TFAP2D: variants seen among roughly 807,000 people sequenced by gnomAD.
TFAP2D encodes transcription factor AP-2 delta, also known as transcription factor AP-2-delta.
In TFAP2D, 9 loss-of-function variants were observed where a neutral mutation model predicts 43.6. The observed-to-expected ratio is 0.21, with a 90% CI of 0.12 to 0.36. The LOEUF is 0.36. Among genes scored for constraint, TFAP2D ranks in the 10% least tolerant of loss-of-function variants. The pLI is 1.00. For missense variants in TFAP2D, 513 were observed against 561.4 expected, an observed-to-expected ratio of 0.91 and a Z score of 0.87; for synonymous variants, 256 against 224.9, an observed-to-expected ratio of 1.14 and a Z score of -1.24.
At chr6:50,768,273 CTTTTTT>C (rs67686384) in intron 7 of TFAP2D, among the ~76,000 whole-genome samples, 1 of 77,282 alleles carries the variant, frequency 1.3e-5, no homozygotes, top group Non-Finnish European at 2.5e-5. Flanking sequence ...TTCTAATTTT[CTTTTTT>C]TTTTTTTTTT....
At chr6:50,742,763 T>C (rs1235536452) in intron 5 of TFAP2D, among the ~76,000 whole-genome samples, 1 of 152,162 alleles carries the variant, frequency 6.6e-6, no homozygotes, top group Non-Finnish European at 1.5e-5. Flanking sequence ...GGTATTATCC[T>C]GTTAGTTACA....
chr6:50,729,189 T>A lies in TFAP2D; in HGVS notation c.765-5T>A, dbSNP rs749293952. The A allele has an allele frequency of 1.4e-5, 23 of 1,613,468 alleles. No individual in the cohort carries two copies. Among genetic ancestry groups the A allele is most frequent in the Admixed American group, 5.0e-5 (3 of 59,902 alleles). On this transcript the variant is annotated splice_region_variant and splice_polypyrimidine_tract_variant and intron_variant, in intron 4 of 7. Coordinates refer to ENST00000008391, the MANE Select transcript of TFAP2D (RefSeq NM_172238.4). ...AAAACCTAGTTTTTGTTTGTTTTTG[T>A]ACAGAGCAAAATCAAAGAATGGGGG...
At chr6:50,750,120 T>C (rs535314375) in intron 6 of TFAP2D, among the ~76,000 whole-genome samples, 1 of 152,110 alleles carries the variant, frequency 6.6e-6, no homozygotes, top group Admixed American at 6.6e-5. Context: ...CAATTATTTG[T>C]ACTTCAAGAT....
intron 5 of TFAP2D, among the ~76,000 whole-genome samples, chr6:50,741,070 T>A (rs1260338710): frequency 6.6e-6 from 1 of 151,946 alleles, no homozygotes; most frequent in Non-Finnish European, 1.5e-5. Flanking sequence ...AAGAGATATG[T>A]TTAATATAAG....
intron 3 of TFAP2D, among the ~76,000 whole-genome samples, chr6:50,726,087 G>C (rs1395198915): frequency 6.6e-6 from 1 of 152,110 alleles, no homozygotes; most frequent in African/African-American, 2.4e-5. Flanking sequence ...TTGAGCATAA[G>C]CCAGAAGCCC....
At chr6:50,727,441 A>G (rs1342512174) in intron 3 of TFAP2D, among the ~76,000 whole-genome samples, 1 of 152,186 alleles carries the variant, frequency 6.6e-6, no homozygotes, top group South Asian at 2.1e-4. Flanking sequence ...AGTTAAGGGT[A>G]GGAGATACCT....
In TFAP2D at chr6:50,723,426, G is replaced by A. The variant is rs376302300; in HGVS notation, c.598+4276G>A. On this transcript the variant is annotated intron_variant, in intron 3 of 7. Coordinates refer to ENST00000008391, the MANE Select transcript of TFAP2D (RefSeq NM_172238.4). Reference sequence around the variant, plus strand: ...CTCCTGAAGGAGTACAATTGGAGGAGCGTGGGAAGCCTTGCTCTTCTTCCT... The same window carrying A: ...CTCCTGAAGGAGTACAATTGGAGGAACGTGGGAAGCCTTGCTCTTCTTCCT... 3.4e-4 allele frequency among the ~76,000 whole-genome samples: 52 copies of A among 152,306 alleles called. No homozygotes were observed. In the East Asian group the frequency reaches 7.2e-3, roughly 21 times the overall value.
chr6:50,747,245 A>G (rs1769138022), intron 6 of TFAP2D, among the ~76,000 whole-genome samples: 1 of 152,156 alleles, frequency 6.6e-6, no homozygotes, highest in African/African-American at 2.4e-5. Flanking sequence ...AGCTGAAAGC[A>G]CATATAGTTA....
In TFAP2D at chr6:50,767,417, A is replaced by G. The variant is rs113955318; in HGVS notation, c.1140-5228A>G. The stretch of plus-strand genomic sequence containing the variant: ...TGTCAGTTTTGCTCTGATGCTACCA[A>G]TGTTATTCCCATTCCTCTTCCTCAC... On this transcript the variant is annotated intron_variant, in intron 7 of 7. Transcript: ENST00000008391. 5.5e-4 allele frequency among the ~76,000 whole-genome samples: 83 copies of G among 152,278 alleles called. 1 individual carries two copies. The highest frequency in any genetic ancestry group is 2.0e-3 in the African/African-American group (82 of 41,546).
At chr6:50,735,129 G>C (rs1354456131) in intron 5 of TFAP2D, among the ~76,000 whole-genome samples, 1 of 152,026 alleles carries the variant, frequency 6.6e-6, no homozygotes, top group African/African-American at 2.4e-5. Flanking sequence ...TTACCATAGT[G>C]CCCAGAATAA....
intron 3 of TFAP2D, among the ~76,000 whole-genome samples, chr6:50,721,048 C>T (rs764294992): frequency 4.6e-5 from 7 of 152,206 alleles, no homozygotes; most frequent in Non-Finnish European, 1.0e-4. Context: ...CTCTCACCCC[C>T]TCACTCAATT....
intron 7 of TFAP2D, among the ~76,000 whole-genome samples, chr6:50,766,245 A>G (rs1421463589): frequency 6.6e-6 from 1 of 152,302 alleles, no homozygotes; most frequent in Non-Finnish European, 1.5e-5. Flanking sequence ...TGCCAGTACT[A>G]TACTGTTTTG....
Position 50,751,271 on chromosome 6 carries a change from C to T in TFAP2D, c.1086C>T (p.Ser362=). 1.2e-6 allele frequency: 2 copies of T among 1,611,692 alleles called. No homozygotes were observed. Among genetic ancestry groups the T allele is most frequent in the South Asian group, 1.1e-5 (1 of 91,020 alleles). The change falls in exon 7 of 8, where the codon TCC becomes TCT. Residue 362 remains serine (S), a synonymous_variant. Transcript: ENST00000008391. The part of the protein sequence containing the change: ...LSQDRSPLGS[S]RPTPILDLDI... Reference sequence around the variant, plus strand: ...AAGATAGATCACCACTGGGATCCTCCAGACCCACTCCAATTCTAGACCTTG... The same window carrying T: ...AAGATAGATCACCACTGGGATCCTCTAGACCCACTCCAATTCTAGACCTTG...
intron 7 of TFAP2D, among the ~76,000 whole-genome samples, chr6:50,770,374 G>A (rs1354524030): frequency 1.3e-5 from 2 of 152,162 alleles, no homozygotes; most frequent in African/African-American, 2.4e-5. Context: ...AATTGCCCAA[G>A]CATTGGCCAT....
At chr6:50,732,368 G>T (rs1245644769) in intron 5 of TFAP2D, among the ~76,000 whole-genome samples, 1 of 151,952 alleles carries the variant, frequency 6.6e-6, no homozygotes, top group Admixed American at 6.6e-5. Context: ...TGCTGAAATT[G>T]TTATAGAGTA....
intron 5 of TFAP2D, among the ~76,000 whole-genome samples, chr6:50,737,259 G>A (rs1471144174): frequency 2.6e-5 from 4 of 152,074 alleles, no homozygotes; most frequent in African/African-American, 4.8e-5. Flanking sequence ...AAAGAGCTGT[G>A]GCCCCCATTG....
rs563175741 is a variant in TFAP2D at position 50,736,473 on chromosome 6, A to G, written c.883+7161A>G. Among the ~76,000 whole-genome samples, 46 of 152,280 alleles carry G rather than the reference A, an allele frequency of 3.0e-4. No individual in the cohort carries two copies. The South Asian group carries it at 9.3e-3, about 31-fold the overall frequency. ...AATTAGATAAAACTTATTGTTATCT[A>G]TTATCTAAAAACTTAACATTTATCA... On this transcript the variant is annotated intron_variant, in intron 5 of 7. Transcript: ENST00000008391.
intron 6 of TFAP2D, among the ~76,000 whole-genome samples, chr6:50,745,785 CT>C (rs141361799): frequency 3.7e-4 from 55 of 147,898 alleles, no homozygotes; most frequent in East Asian, 9.9e-4. Flanking sequence ...GTGTTATTGT[CT>C]TTTTTTTTTA....
At chr6:50,714,171 G>A (rs527537656) in intron 1 of TFAP2D, 77 bp downstream of exon 1, 1 of 1,459,392 alleles carries the variant, frequency 6.9e-7, no homozygotes, top group African/African-American at 1.4e-5. Context: ...CGGTGGCGGC[G>A]GCGGTGGCAG....
Sources: gnomAD v4.1 joint callset for allele counts (sites outside exome capture counted in the v4.1 genomes callset) on GRCh38, gnomAD v4.1.1 for gene constraint, MANE v1.5 for transcripts, NCBI Gene and HGNC (gene_info 2026-07-23, HGNC 2026-07-21) for gene names.